The following HNRNPK variants were observed in gnomAD, a reference collection of about 807,000 sequenced individuals.
HNRNPK encodes the protein heterogeneous nuclear ribonucleoprotein K.
HNRNPK carries 7 observed loss-of-function variants against 67.0 expected under a neutral mutation model. That is an observed-to-expected ratio of 0.10 (90% CI 0.06 to 0.20). HNRNPK has a LOEUF of 0.20. Ranked by LOEUF, HNRNPK falls within the 10% of genes least tolerant of loss-of-function variation. The pLI, the probability that HNRNPK is intolerant of heterozygous loss-of-function variation, is 1.00. For synonymous variants in HNRNPK, 213 were observed against 193.7 expected (o/e 1.10, Z -0.83); for missense variants, 264 against 606.5 (o/e 0.44, Z 5.93).
Position 83,970,479 on chromosome 9 carries a change from A to AT in HNRNPK, c.1192-149dup. ...CCCTAAACCTGTCAAGGTTTGAGTTATAATGTATTTATGTCACACTTACTA... is the reference window on the plus strand; with the variant it reads ...CCCTAAACCTGTCAAGGTTTGAGTTATTAATGTATTTATGTCACACTTACTA... On this transcript the variant is annotated intron_variant, in intron 15 of 16. Coordinates refer to ENST00000376263, the MANE Select transcript of HNRNPK (RefSeq NM_031263.4). 7 of 694,106 alleles carry AT rather than the reference A, an allele frequency of 1.0e-5. No individual in the cohort carries two copies. In the South Asian group the frequency reaches 1.4e-4, roughly 14 times the overall value. 43.0% of individuals were successfully genotyped at this position (694,106 alleles called of 1,614,324 possible).
chr9:83,979,868 C>A (rs1957297757), intron 1 of HNRNPK, among the ~76,000 whole-genome samples: 1 of 152,336 alleles, frequency 6.6e-6, no homozygotes, highest in East Asian at 1.9e-4. Context: ...CTTCTCCCCG[C>A]ACCGGCCTCC....
rs1232160336 is a variant in HNRNPK, at chr9:83,976,995, G to A, written c.213C>T (p.Asp71=). 12 of 1,595,840 alleles carry A rather than the reference G, an allele frequency of 7.5e-6. No homozygotes were observed. Among genetic ancestry groups the A allele is most frequent in the East Asian group, 2.2e-5 (1 of 44,778 alleles). ...GGKNIKALRT[D]YNASVSVPDS... is the part of the protein sequence containing the mutation. ...AGTAGTTTAAACTCTTAATACTTAC[G>A]TCTGTACGGAGAGCCTTAATATTCT... Residue 71 remains aspartate, a splice_region_variant and synonymous_variant, in exon 5 of 17, where the codon GAC becomes GAT. Coordinates refer to ENST00000376263, the MANE Select transcript of HNRNPK (RefSeq NM_031263.4).
chr9:83,973,525 T>A (rs1481187052), intron 8 of HNRNPK, 126 bp from the exon 9 acceptor site: 1 of 656,554 alleles, frequency 1.5e-6, no homozygotes, highest in African/African-American at 1.8e-5. Context: ...TTCAATAACT[T>A]TACCAGTTAT....
intron 6 of HNRNPK, 55 bp from the exon 7 acceptor site, chr9:83,974,644 G>A (rs1282769228): frequency 1.6e-6 from 2 of 1,224,884 alleles, no homozygotes; most frequent in Non-Finnish European, 2.4e-6. Context: ...AGAAAAATGA[G>A]TTTTGTGTTT....
chr9:83,971,110 C>T, intron 13 of HNRNPK, 163 bp downstream of exon 13: 1 of 736,990 alleles, frequency 1.4e-6, no homozygotes, highest in Non-Finnish European at 2.4e-6. Context: ...CCCAGCTTCA[C>T]TATTCAAGTA....
chr9:83,969,918 T>C (rs1956750148), intron 16 of HNRNPK: 1 of 632,242 alleles, frequency 1.6e-6, no homozygotes, highest in Non-Finnish European at 3.0e-6. Flanking sequence ...TTGGCAGCAG[T>C]TTTCACCAGA....
At chr9:83,972,794 A>C (rs773583886) in intron 10 of HNRNPK, 50 bp downstream of exon 10, 1 of 1,451,672 alleles carries the variant, frequency 6.9e-7, no homozygotes, top group Non-Finnish European at 9.4e-7. Flanking sequence ...GCAGAAGGTT[A>C]TCACTTTGTT....
Position 83,969,380 on chromosome 9 carries a change from A to G in HNRNPK, c.*27T>C. The G allele has an allele frequency of 6.8e-7, 1 of 1,473,718 alleles. No homozygotes were observed. Among genetic ancestry groups the G allele is most frequent in the Non-Finnish European group, 9.5e-7 (1 of 1,053,436 alleles). 91.3% of individuals were successfully genotyped at this position (1,473,718 alleles called of 1,614,324 possible). A position where few individuals can be genotyped will look rare whatever the true frequency, so the allele number is the denominator to read the frequency against. The stretch of plus-strand genomic sequence containing the variant: ...AAAACTTTCCAGAATACTGCTTCAC[A>G]CTATAAAAAAGAAAAAATATCTTGC... On this transcript the variant is annotated 3_prime_UTR_variant, in exon 17 of 17. Transcript: ENST00000376263.
At chr9:83,975,184 C>T (rs996907145) in intron 6 of HNRNPK, among the ~76,000 whole-genome samples, 2 of 152,062 alleles carry the variant, frequency 1.3e-5, no homozygotes, top group African/African-American at 2.4e-5. Context: ...AAAGACAGAG[C>T]GAGAGACTAT....
chr9:83,977,338 A>T (rs1957116276), intron 4 of HNRNPK, among the ~76,000 whole-genome samples: 1 of 152,152 alleles, frequency 6.6e-6, no homozygotes, highest in Non-Finnish European at 1.5e-5. Flanking sequence ...TAAGTCAATT[A>T]ATTTAGTATT....
chr9:83,976,359 G>A (rs1957063375), intron 5 of HNRNPK: 1 of 152,472 alleles, frequency 6.6e-6, no homozygotes, highest in South Asian at 2.1e-4. Context: ...GTGTAGCCAA[G>A]TCCTATAAAT....
upstream of HNRNPK, chr9:83,980,566 G>A (rs1178372269): frequency 1.3e-5 from 2 of 152,832 alleles, no homozygotes; most frequent in Non-Finnish European, 2.9e-5. Flanking sequence ...GAGAAACAGA[G>A]GATAATGGCG....
intron 7 of HNRNPK, among the ~76,000 whole-genome samples, 158 bp from the exon 8 acceptor site, chr9:83,974,131 AT>A (rs1244951050): frequency 7.9e-5 from 12 of 152,128 alleles, no homozygotes; most frequent in African/African-American, 2.9e-4. Flanking sequence ...AACATAAAAT[AT>A]TTTTCTCTAT....
chr9:83,973,158 T>C, intron 9 of HNRNPK, 128 bp downstream of exon 9: 2 of 759,818 alleles, frequency 2.6e-6, no homozygotes, highest in Non-Finnish European at 4.4e-6. Context: ...TGCCAGACAT[T>C]TTTTGTCATT....
At chr9:83,979,334 C>G (rs992663498) in intron 1 of HNRNPK, among the ~76,000 whole-genome samples, 33 of 152,236 alleles carry the variant, frequency 2.2e-4, no homozygotes, top group African/African-American at 6.8e-4. Flanking sequence ...GCCCAGCACG[C>G]AATTTCTGAG....
rs761196357 is a variant in HNRNPK at position 83,973,885 on chromosome 9, A to T, written c.402+17T>A. The T allele has an allele frequency of 1.2e-5, 19 of 1,600,832 alleles. No individual in the cohort carries two copies. The highest frequency in any genetic ancestry group is 4.5e-5 in the East Asian group (2 of 44,802). On this transcript the variant is annotated intron_variant, in intron 8 of 16. Coordinates refer to ENST00000376263, the MANE Select transcript of HNRNPK (RefSeq NM_031263.4). Reference sequence around the variant, plus strand: ...AGGCTCCATACTTCAGTGGGGTTCAATGGCACTATGACATACATTTAAGCA... The same window carrying T: ...AGGCTCCATACTTCAGTGGGGTTCATTGGCACTATGACATACATTTAAGCA...
intron 16 of HNRNPK, chr9:83,969,896 T>TA (rs1205573481): frequency 3.3e-6 from 2 of 614,142 alleles, no homozygotes; most frequent in South Asian, 3.0e-5. Context: ...GTACAATTTT[T>TA]AACAAGTGGT....
In HNRNPK at chr9:83,970,260, G is replaced by T. The variant is rs766909986; in HGVS notation, c.1263C>A (p.Ile421=). Residue 421 remains isoleucine, a synonymous_variant, in exon 16 of 17, where the codon ATC becomes ATA. Coordinates refer to ENST00000376263, the MANE Select transcript of HNRNPK (RefSeq NM_031263.4). The part of the protein sequence containing the change: ...KQIRHESGAS[I]KIDEPLEGSE... Reference sequence around the variant, plus strand: ...ATCCTTCTAAAGGCTCATCAATTTTGATCGAAGCTCCCGACTCATGACGGA... The same window carrying T: ...ATCCTTCTAAAGGCTCATCAATTTTTATCGAAGCTCCCGACTCATGACGGA... 10 of 1,613,690 alleles carry T rather than the reference G, an allele frequency of 6.2e-6. No homozygotes were observed. The South Asian group carries it at 1.1e-4, about 18-fold the overall frequency.
chr9:83,972,005 C>T lies in HNRNPK; in HGVS notation c.830G>A (p.Arg277Lys). The change falls in exon 11 of 17, where the codon AGA (arginine) becomes AAA (lysine). Residue 277 changes from arginine to lysine, a missense_variant. By Grantham distance (26) the Arg-to-Lys change is conservative (BLOSUM62 2). Coordinates refer to ENST00000376263, the MANE Select transcript of HNRNPK (RefSeq NM_031263.4). ...AGGGCTCATATCATCATAATCTCTTCTAGATGGAGGCATGGGACGCCCACC... is the reference window on the plus strand; with the variant it reads ...AGGGCTCATATCATCATAATCTCTTTTAGATGGAGGCATGGGACGCCCACC... ...GRGGRPMPPS[R>K]RDYDDMSPRR... 1 of 1,613,872 alleles carries T rather than the reference C, an allele frequency of 6.2e-7. No individual in the cohort carries two copies. The highest frequency in any genetic ancestry group is 8.5e-7 in the Non-Finnish European group (1 of 1,179,860).
Sources: gnomAD v4.1 joint callset for allele counts (sites outside exome capture counted in the v4.1 genomes callset) on GRCh38, gnomAD v4.1.1 for gene constraint, MANE v1.5 for transcripts, NCBI Gene and HGNC (gene_info 2026-07-23, HGNC 2026-07-21) for gene names.